Variants in GALNS observed in about 807,000 individuals in gnomAD.
GALNS encodes N-acetylgalactosamine-6-sulfatase.
A neutral mutation model predicts 65.9 loss-of-function variants in GALNS; 65 were observed. The observed-to-expected ratio is 0.99, with a 90% CI of 0.81 to 1.21. The LOEUF (loss-of-function observed/expected upper bound fraction) is 1.21, where lower values mean the gene tolerates loss of function less well. Ranked by LOEUF, GALNS falls within the 50% of genes most tolerant of loss-of-function variation. GALNS has a pLI of 0.00. For missense variants in GALNS, 776 were observed against 700.7 expected (o/e 1.11, Z -1.21); for synonymous variants, 346 against 288.9 (o/e 1.20, Z -2.00).
At chr16:88,843,656 G>A in intron 1 of GALNS, 1 of 173,672 alleles carries the variant, frequency 5.8e-6, no homozygotes, top group East Asian at 1.5e-4. Context: ...CCAGGGGACA[G>A]CAAGGACCTT....
chr16:88,853,696 G>C (rs963017640), intron 1 of GALNS, among the ~76,000 whole-genome samples: 2 of 152,236 alleles, frequency 1.3e-5, no homozygotes, highest in Admixed American at 6.5e-5. Context: ...CTGGAGAGCA[G>C]AGTGGGCCAC....
At chr16:88,816,262 T>C in intron 13 of GALNS, 5 of 985,374 alleles carry the variant, frequency 5.1e-6, no homozygotes, top group Non-Finnish European at 6.0e-6. Context: ...AGGTGTGGCC[T>C]GCGCCCGTGG....
In GALNS at chr16:88,815,923, A is replaced by G. The variant is rs190964252; in HGVS notation, c.1483-1398T>C. 1,173 of 984,794 alleles carry G rather than the reference A, an allele frequency of 1.2e-3. 15 individuals carry two copies. The African/African-American group carries it at 0.019, about 16-fold the overall frequency. The allele number at this position is 984,794 out of a possible 1,614,324, so 61.0% of individuals were successfully genotyped here. On this transcript the variant is annotated intron_variant, in intron 13 of 13. Transcript: ENST00000268695. The stretch of plus-strand genomic sequence containing the variant: ...CAGAAGCAGGGGTCCAGGTGGCCAC[A>G]CTCCCTCTCCTCTGTGCCAGAGACG...
At chr16:88,851,716 C>A (rs1375146511) in intron 1 of GALNS, among the ~76,000 whole-genome samples, 1 of 152,194 alleles carries the variant, frequency 6.6e-6, no homozygotes, top group African/African-American at 2.4e-5. Flanking sequence ...TATCCCGGGC[C>A]TGGCTCGGAG....
chr16:88,835,601 G>T, intron 7 of GALNS, 124 bp downstream of exon 7: 1 of 1,464,152 alleles, frequency 6.8e-7, no homozygotes, highest in Non-Finnish European at 9.5e-7. Flanking sequence ...GGCTTCAAAG[G>T]GGTGGGGTTG....
At chr16:88,851,902 C>T (rs1168573482) in intron 1 of GALNS, among the ~76,000 whole-genome samples, 1 of 152,258 alleles carries the variant, frequency 6.6e-6, no homozygotes, top group Admixed American at 6.5e-5. Flanking sequence ...AAGCCTGCTG[C>T]CTCTGTAGAC....
chr16:88,834,070 G>A (rs1026486534), intron 8 of GALNS, among the ~76,000 whole-genome samples: 1 of 152,122 alleles, frequency 6.6e-6, no homozygotes. Flanking sequence ...TCCACACATG[G>A]GTCTGTTGGG....
intron 13 of GALNS, chr16:88,817,155 G>A: frequency 1.0e-6 from 1 of 985,462 alleles, no homozygotes; most frequent in East Asian, 1.1e-4. Flanking sequence ...GGATGGCTGG[G>A]CCGTCCACAT....
intron 10 of GALNS, among the ~76,000 whole-genome samples, chr16:88,825,772 G>A (rs904052902): frequency 2.6e-5 from 4 of 152,052 alleles, no homozygotes; most frequent in Non-Finnish European, 4.4e-5. Context: ...AGTGGGGGAC[G>A]CAGCTGGGCA....
At position 88,816,811 on chromosome 16, in the gene GALNS, G is replaced by A. The variant is rs201424890; in HGVS notation, c.1482+1196C>T. 6.4e-5 allele frequency: 63 copies of A among 985,450 alleles called. No homozygotes were observed. The East Asian group carries it at 2.4e-3, about 37-fold the overall frequency. 61.0% of individuals were successfully genotyped at this position (985,450 alleles called of 1,614,324 possible). A position where few individuals can be genotyped will look rare whatever the true frequency, so the allele number is the denominator to read the frequency against. ...AGGCTTCAGCTGGGCCTTTTCGCCC[G>A]CACAGCAGGAGCCCAGGCTGAAGTC... On this transcript the variant is annotated intron_variant, in intron 13 of 13. Transcript: ENST00000268695.
At chr16:88,851,777 CCACCTGCGAGGTGG>C (rs1416890197) in intron 1 of GALNS, among the ~76,000 whole-genome samples, 3 of 152,252 alleles carry the variant, frequency 2.0e-5, no homozygotes, top group Non-Finnish European at 4.4e-5. Context: ...AGTCTGAGAT[CCACCTGCGAGGTGG>C]CAGCCTGCCT....
chr16:88,824,909 G>A, intron 10 of GALNS, 40 bp from the exon 11 acceptor site: 3 of 1,565,968 alleles, frequency 1.9e-6, no homozygotes, highest in Non-Finnish European at 2.6e-6. Flanking sequence ...TGACAGGAAG[G>A]ACACGCTGGG....
chr16:88,817,357 C>T (rs554913749), intron 13 of GALNS: 2 of 985,438 alleles, frequency 2.0e-6, no homozygotes, highest in African/African-American at 3.5e-5. Flanking sequence ...CGTTTCTCTA[C>T]TGGAGGTGAA....
At chr16:88,825,633 C>A (rs773824825) in intron 10 of GALNS, among the ~76,000 whole-genome samples, 1 of 151,724 alleles carries the variant, frequency 6.6e-6, no homozygotes, top group Non-Finnish European at 1.5e-5. Context: ...GGCTAGGGTG[C>A]CTGGGCGTCC....
Position 88,814,149 on chromosome 16 carries a change from CAG to C in GALNS, c.*288_*289del. On this transcript the variant is annotated 3_prime_UTR_variant, in exon 14 of 14. Coordinates refer to ENST00000268695, the MANE Select transcript of GALNS (RefSeq NM_000512.5). ...TGGCAAAATAAACTGAGACTGGTCT[CAG>C]ATATTTGGGGTTCACAAAGGCGTGA... is the stretch of plus-strand genomic sequence containing the variant. 1 of 520,592 alleles carries C rather than the reference CAG, an allele frequency of 1.9e-6. No individual in the cohort carries two copies. Among genetic ancestry groups the C allele is most frequent in the Non-Finnish European group, 3.5e-6 (1 of 285,734 alleles). The allele number at this position is 520,592 out of a possible 1,614,324, so 32.2% of individuals were successfully genotyped here.
chr16:88,856,806 G>T lies in GALNS; in HGVS notation c.72C>A (p.Ala24=). The T allele has an allele frequency of 6.5e-7, 1 of 1,539,410 alleles. No homozygotes were observed. Among genetic ancestry groups the T allele is most frequent in the South Asian group, 1.2e-5 (1 of 83,930 alleles). ...LLVLSAAGMG[A]SGAPQPPNIL... is the part of the protein sequence containing the mutation. The stretch of plus-strand genomic sequence containing the variant: ...TGTTGGGGGGCTGCGGGGCGCCCGA[G>T]GCCCCCATCCCCGCGGCGCTGAGCA... Residue 24 remains alanine (A), a synonymous_variant, in exon 1 of 14, where the codon GCC becomes GCA. Transcript: ENST00000268695.
chr16:88,838,749 G>C (rs1912402815), intron 4 of GALNS: 2 of 152,316 alleles, frequency 1.3e-5, no homozygotes, highest in African/African-American at 4.8e-5. Flanking sequence ...ATGGCTTCTA[G>C]GCACGGCCGT....
At chr16:88,838,289 C>T (rs370012458) in intron 4 of GALNS, among the ~76,000 whole-genome samples, 12 of 152,300 alleles carry the variant, frequency 7.9e-5, no homozygotes, top group East Asian at 3.9e-4. Flanking sequence ...GACGACTGGG[C>T]GGGGCGTTGT....
chr16:88,837,503 C>G (rs1912260033), intron 5 of GALNS, 119 bp downstream of exon 5: 2 of 1,067,970 alleles, frequency 1.9e-6, no homozygotes, highest in African/African-American at 3.1e-5. Flanking sequence ...CCCGGGGACC[C>G]AGGGACAGAC....
Sources: allele counts gnomAD v4.1 joint callset (sites outside exome capture counted in the v4.1 genomes callset), GRCh38; gene constraint gnomAD v4.1.1; transcripts MANE v1.5; gene names NCBI Gene and HGNC (gene_info 2026-07-23, HGNC 2026-07-21).